PKD2L2: variants seen among roughly 807,000 people sequenced by gnomAD.
PKD2L2 encodes the protein polycystin-2-like protein 2.
In PKD2L2, 67 loss-of-function variants were observed where a neutral mutation model predicts 83.9. That is an observed-to-expected ratio of 0.80 (90% CI 0.66 to 0.98). The LOEUF (loss-of-function observed/expected upper bound fraction) is 0.98. PKD2L2 is among the 50% of genes least tolerant of loss of function. The pLI, the probability that PKD2L2 is intolerant of heterozygous loss-of-function variation, is 0.00. For synonymous variants in PKD2L2, 223 were observed against 237.8 expected (o/e 0.94, Z 0.57); for missense variants, 632 against 717.2 (o/e 0.88, Z 1.36).
intron 8 of PKD2L2, among the ~76,000 whole-genome samples, chr5:137,913,461 G>C (rs1758036552): frequency 6.6e-6 from 1 of 151,084 alleles, no homozygotes; most frequent in Non-Finnish European, 1.5e-5. Context: ...CTGGGATACA[G>C]CTGTGAGTCA....
At chr5:137,928,544 A>G (rs1759573058) in intron 12 of PKD2L2, among the ~76,000 whole-genome samples, 1 of 152,112 alleles carries the variant, frequency 6.6e-6, no homozygotes, top group African/African-American at 2.4e-5. Flanking sequence ...TGATCCTCCC[A>G]CCTCAGCTTC....
At chr5:137,930,881 T>A (rs1759821722) in intron 12 of PKD2L2, among the ~76,000 whole-genome samples, 1 of 151,944 alleles carries the variant, frequency 6.6e-6, no homozygotes, top group South Asian at 2.1e-4. Context: ...AAGATTAAAG[T>A]AGAATGAGTT....
At chr5:137,889,593 C>T (rs1755756403) in intron 1 of PKD2L2, 71 bp downstream of exon 1, 8 of 1,342,092 alleles carry the variant, frequency 6.0e-6, no homozygotes, top group Non-Finnish European at 8.0e-6. Context: ...GAAAGGAACT[C>T]TGCGGCCCCA....
chr5:137,894,265 C>T, intron 3 of PKD2L2, 88 bp from the exon 4 acceptor site: 1 of 1,154,368 alleles, frequency 8.7e-7, no homozygotes, highest in East Asian at 2.3e-5. Context: ...GATTTTCATA[C>T]TCAAAATCTC....
intron 5 of PKD2L2, among the ~76,000 whole-genome samples, chr5:137,901,564 C>T (rs941580833): frequency 6.6e-6 from 1 of 152,134 alleles, no homozygotes. Flanking sequence ...ATTGCTAACC[C>T]CCCTAACCTT....
Position 137,925,933 on chromosome 5 carries a change from A to C in PKD2L2, c.1671+4A>C. ...AAGAGAAGGCTTTGACGAAAATGTA[A>C]GATTTTAATTTTTTTCATAAACACT... On this transcript the variant is annotated splice_donor_region_variant and intron_variant, in intron 12 of 14. Transcript: ENST00000508883. The C allele has an allele frequency of 6.4e-7, 1 of 1,573,754 alleles. No individual in the cohort carries two copies. Among genetic ancestry groups the C allele is most frequent in the African/African-American group, 1.3e-5 (1 of 74,408 alleles).
intron 13 of PKD2L2, 41 bp downstream of exon 13, chr5:137,935,950 A>G (rs779338710): frequency 1.9e-6 from 2 of 1,073,084 alleles, no homozygotes; most frequent in Admixed American, 1.8e-5. Context: ...GGATATCATG[A>G]CATGCGCATT....
intron 12 of PKD2L2, among the ~76,000 whole-genome samples, chr5:137,932,342 C>CT (rs1759942555): frequency 6.6e-6 from 1 of 151,494 alleles, no homozygotes. Flanking sequence ...GAGCGAAACT[C>CT]TGTCTCAAAA....
chr5:137,937,156 G>C (rs1382822838), intron 14 of PKD2L2, among the ~76,000 whole-genome samples: 1 of 152,122 alleles, frequency 6.6e-6, no homozygotes. Context: ...AAAGGCTTAG[G>C]ATTCTGGGAA....
intron 11 of PKD2L2, among the ~76,000 whole-genome samples, chr5:137,925,425 A>G (rs1281239956): frequency 6.6e-6 from 1 of 152,242 alleles, no homozygotes; most frequent in Admixed American, 6.5e-5. Flanking sequence ...ATTCTAGCTA[A>G]TTTAAAATTA....
chr5:137,898,806 A>G (rs1388743628), intron 4 of PKD2L2, among the ~76,000 whole-genome samples: 1 of 151,634 alleles, frequency 6.6e-6, no homozygotes, highest in Non-Finnish European at 1.5e-5. Context: ...ATCATAGCTC[A>G]GTGCGGCCTT....
At chr5:137,937,836 C>T (rs1445831518) in intron 14 of PKD2L2, 1 of 152,052 alleles carries the variant, frequency 6.6e-6, no homozygotes, top group Non-Finnish European at 1.5e-5. Context: ...GTTTAGTGAC[C>T]CTGTTGTTCC....
chr5:137,894,215 G>A, intron 3 of PKD2L2, 138 bp from the exon 4 acceptor site: 1 of 735,298 alleles, frequency 1.4e-6, no homozygotes, highest in Non-Finnish European at 2.2e-6. Flanking sequence ...AGCTTCATTA[G>A]CATTACCATT....
At chr5:137,940,717 G>A (rs529360427) in intron 14 of PKD2L2, among the ~76,000 whole-genome samples, 8 of 152,302 alleles carry the variant, frequency 5.3e-5, no homozygotes, top group African/African-American at 1.9e-4. Flanking sequence ...TGCGGCTCCA[G>A]TGAATTGAGA....
chr5:137,936,490 C>G, intron 14 of PKD2L2, 63 bp downstream of exon 14: 1 of 1,380,986 alleles, frequency 7.2e-7, no homozygotes, highest in South Asian at 1.3e-5. Flanking sequence ...GAGTCTCGCT[C>G]TAACGCCCAG....
intron 12 of PKD2L2, among the ~76,000 whole-genome samples, chr5:137,931,603 G>C (rs921485240): frequency 3.9e-5 from 6 of 151,938 alleles, no homozygotes; most frequent in African/African-American, 1.5e-4. Flanking sequence ...ACAAATGCTG[G>C]GTATTTTATA....
chr5:137,901,864 T>A (rs1479548642), intron 5 of PKD2L2, among the ~76,000 whole-genome samples: 5 of 152,176 alleles, frequency 3.3e-5, no homozygotes, highest in Non-Finnish European at 7.3e-5. Flanking sequence ...GATGCCATCA[T>A]CGTTATTAAA....
chr5:137,902,476 TAA>T (rs1757043039), intron 5 of PKD2L2, among the ~76,000 whole-genome samples: 1 of 151,950 alleles, frequency 6.6e-6, no homozygotes, highest in Non-Finnish European at 1.5e-5. Context: ...GCAACTAGGA[TAA>T]AGACCATTAT....
At chr5:137,900,597 G>A (rs527720602) in intron 5 of PKD2L2, among the ~76,000 whole-genome samples, 2 of 152,354 alleles carry the variant, frequency 1.3e-5, no homozygotes, top group South Asian at 4.1e-4. Context: ...GGAAATTCAT[G>A]AAGCCATCAC....
Sources: allele counts gnomAD v4.1 joint callset (sites outside exome capture counted in the v4.1 genomes callset), GRCh38; gene constraint gnomAD v4.1.1; transcripts MANE v1.5; gene names NCBI Gene and HGNC (gene_info 2026-07-23, HGNC 2026-07-21).